The following CUL1 variants were observed in gnomAD, a reference collection of about 807,000 sequenced individuals.
CUL1 encodes the protein cullin 1.
A neutral mutation model predicts 118.0 loss-of-function variants in CUL1; 24 were observed. The observed-to-expected ratio is 0.20, with a 90% CI of 0.15 to 0.29. The LOEUF is 0.29. CUL1 is among the 10% of genes least tolerant of loss of function. The pLI, the probability that CUL1 is intolerant of heterozygous loss-of-function variation, is 1.00. For synonymous variants in CUL1, 332 were observed against 340.4 expected (o/e 0.98, Z 0.27); for missense variants, 361 against 933.8 (o/e 0.39, Z 7.99).
intron 9 of CUL1, among the ~76,000 whole-genome samples, chr7:148,768,040 A>C (rs944136911): frequency 6.6e-6 from 1 of 152,010 alleles, no homozygotes; most frequent in Non-Finnish European, 1.5e-5. Context: ...CTGCTTCCCT[A>C]GAAACAAAAG....
intron 4 of CUL1, among the ~76,000 whole-genome samples, chr7:148,758,838 C>T (rs1799743237): frequency 6.6e-6 from 1 of 152,118 alleles, no homozygotes; most frequent in African/African-American, 2.4e-5. Flanking sequence ...AAAATGTGTA[C>T]ACCATGCCTT....
chr7:148,709,105 GTGATTCTAAAAAGCATTC>G (rs1256967030), intron 1 of CUL1, among the ~76,000 whole-genome samples: 1 of 152,220 alleles, frequency 6.6e-6, no homozygotes, highest in Non-Finnish European at 1.5e-5. Flanking sequence ...TATAGGAAAA[GTGATTCTAAAAAGCATTC>G]TGACGCCTCT....
intron 3 of CUL1, 101 bp from the exon 4 acceptor site, chr7:148,756,882 T>C (rs1399063827): frequency 4.4e-6 from 3 of 683,720 alleles, no homozygotes; most frequent in African/African-American, 3.7e-5. Context: ...TAAAATCACA[T>C]GTGTCAATGT....
chr7:148,709,553 C>G (rs999949254), intron 1 of CUL1, among the ~76,000 whole-genome samples: 1 of 152,168 alleles, frequency 6.6e-6, no homozygotes, highest in Non-Finnish European at 1.5e-5. Context: ...TGGGAACATG[C>G]ATTTATGTTT....
At chr7:148,734,822 C>G (rs1285099955) in intron 2 of CUL1, among the ~76,000 whole-genome samples, 1 of 152,128 alleles carries the variant, frequency 6.6e-6, no homozygotes, top group Non-Finnish European at 1.5e-5. Context: ...GTTCTGGGCT[C>G]CAGACCTACC....
rs538796193 is a variant in CUL1 at position 148,775,553 on chromosome 7, A to C, written c.1083+7804A>C. On this transcript the variant is annotated intron_variant, in intron 9 of 21. Coordinates refer to ENST00000325222, the MANE Select transcript of CUL1 (RefSeq NM_003592.3). Reference sequence around the variant, plus strand: ...AAATGTGCAGGTTTTGATTGAGTGGATGTTGGAAAGGAGAAAGAGTGTCTT... The same window carrying C: ...AAATGTGCAGGTTTTGATTGAGTGGCTGTTGGAAAGGAGAAAGAGTGTCTT... 7.2e-5 allele frequency among the ~76,000 whole-genome samples: 11 copies of C among 152,304 alleles called. 1 individual carries two copies. In the South Asian group the frequency reaches 2.3e-3, roughly 32 times the overall value.
intron 17 of CUL1, among the ~76,000 whole-genome samples, chr7:148,796,827 T>C (rs924151359): frequency 2.0e-5 from 3 of 152,152 alleles, no homozygotes; most frequent in African/African-American, 7.2e-5. Flanking sequence ...CGCACCCTGC[T>C]CTAGATGCAG....
intron 1 of CUL1, among the ~76,000 whole-genome samples, chr7:148,726,754 TATTTGGCTCTTAAGAACAA>T (rs1205354920): frequency 6.6e-6 from 1 of 151,896 alleles, no homozygotes; most frequent in Non-Finnish European, 1.5e-5. Context: ...CCAGTGATTG[TATTTGGCTCTTAAGAACAA>T]ATGCTTTTGG....
chr7:148,761,125 C>G (rs752185618), intron 7 of CUL1, among the ~76,000 whole-genome samples: 1 of 152,036 alleles, frequency 6.6e-6, no homozygotes, highest in South Asian at 2.1e-4. Flanking sequence ...CCTGGGCCTC[C>G]GAAAGTGCTG....
intron 17 of CUL1, among the ~76,000 whole-genome samples, chr7:148,794,420 C>T (rs1801115487): frequency 6.6e-6 from 1 of 152,138 alleles, no homozygotes; most frequent in African/African-American, 2.4e-5. Flanking sequence ...AATTATTTTC[C>T]AGTGATCTGT....
intron 1 of CUL1, among the ~76,000 whole-genome samples, chr7:148,711,343 A>G (rs1421541506): frequency 6.6e-6 from 1 of 152,180 alleles, no homozygotes; most frequent in Non-Finnish European, 1.5e-5. Flanking sequence ...ATGGGGGTGC[A>G]AATCTGACAG....
Position 148,711,667 on chromosome 7 carries a change from C to G in CUL1, c.-162+12638C>G, listed in dbSNP as rs140128268. On this transcript the variant is annotated intron_variant, in intron 1 of 21. Transcript: ENST00000325222. Reference sequence around the variant, plus strand: ...AGTTTTCGACTCAGGGTTAAATTATCTTAGTCGAAAGAAAAATAATAGAAA... The same window carrying G: ...AGTTTTCGACTCAGGGTTAAATTATGTTAGTCGAAAGAAAAATAATAGAAA... 9.3e-3 allele frequency among the ~76,000 whole-genome samples: 1,418 copies of G among 152,186 alleles called. 9 individuals carry two copies. Among genetic ancestry groups the G allele is most frequent in the South Asian group, 0.021 (100 of 4,808 alleles).
chr7:148,792,598 C>G, intron 16 of CUL1, 128 bp from the exon 17 acceptor site: 1 of 579,640 alleles, frequency 1.7e-6, no homozygotes, highest in Non-Finnish European at 3.0e-6. Context: ...TAGATCTGTG[C>G]TTTTTTTGTA....
chr7:148,720,326 A>G (rs912856336), intron 1 of CUL1, among the ~76,000 whole-genome samples: 1 of 152,196 alleles, frequency 6.6e-6, no homozygotes, highest in Middle Eastern at 3.2e-3. Flanking sequence ...ATGGGAGTTA[A>G]TAATGCCTAG....
chr7:148,777,798 G>A (rs1243981939), intron 9 of CUL1, among the ~76,000 whole-genome samples: 1 of 151,800 alleles, frequency 6.6e-6, no homozygotes, highest in Non-Finnish European at 1.5e-5. Context: ...AGGCACGGTG[G>A]GTGATGCCTG....
intron 1 of CUL1, among the ~76,000 whole-genome samples, chr7:148,704,245 A>G (rs1012819942): frequency 2.0e-5 from 3 of 149,526 alleles, no homozygotes; most frequent in African/African-American, 7.4e-5. Flanking sequence ...CAGCTTTACT[A>G]GCAGTACTCC....
In CUL1 at chr7:148,759,297, T is replaced by TC. The variant is rs772338565; in HGVS notation, c.484-6dup. 7.4e-6 allele frequency: 12 copies of TC among 1,613,588 alleles called. No homozygotes were observed. The highest frequency in any genetic ancestry group is 1.6e-4 in the Middle Eastern group (1 of 6,084). ...AGTATAGACATTTTGTACTTTTTTT[T>TC]CTCCAGCTTGCATTGGTGACTTGGA... On this transcript the variant is annotated splice_region_variant and splice_polypyrimidine_tract_variant and intron_variant, in intron 4 of 21. Transcript: ENST00000325222.
chr7:148,778,552 C>G (rs1458741355), intron 9 of CUL1, among the ~76,000 whole-genome samples: 1 of 152,236 alleles, frequency 6.6e-6, no homozygotes, highest in Non-Finnish European at 1.5e-5. Context: ...AAGAATGACA[C>G]TGCCCCCAAA....
At chr7:148,733,672 C>T (rs185293224) in intron 2 of CUL1, among the ~76,000 whole-genome samples, 7 of 152,302 alleles carry the variant, frequency 4.6e-5, no homozygotes, top group African/African-American at 1.7e-4. Flanking sequence ...CTGGCAGTGC[C>T]TCTCACTGTT....
Sources: allele counts gnomAD v4.1 joint callset (sites outside exome capture counted in the v4.1 genomes callset), GRCh38; gene constraint gnomAD v4.1.1; transcripts MANE v1.5; gene names NCBI Gene and HGNC (gene_info 2026-07-23, HGNC 2026-07-21).